Variants in SATB2 observed in about 807,000 individuals in gnomAD.
The protein encoded by SATB2 is SATB homeobox 2.
In SATB2, 1 loss-of-function variant was observed where a neutral mutation model predicts 73.4. The observed-to-expected ratio is 0.01, with a 90% CI of 0.00 to 0.06. The LOEUF is 0.06. SATB2 is among the 10% of genes least tolerant of loss of function. The pLI is 1.00. For synonymous variants in SATB2, 397 were observed against 367.0 expected (o/e 1.08, Z -0.93); for missense variants, 459 against 945.8 (o/e 0.49, Z 6.75).
chr2:199,294,033 G>A (rs1251740696), intron 10 of SATB2, among the ~76,000 whole-genome samples: 1 of 152,074 alleles, frequency 6.6e-6, no homozygotes, highest in Non-Finnish European at 1.5e-5. Context: ...TTTGATCTGT[G>A]TCTTTGTAGT....
intron 7 of SATB2, 65 bp downstream of exon 7, chr2:199,348,636 T>C (rs752102665): frequency 1.1e-5 from 14 of 1,244,396 alleles, no homozygotes; most frequent in East Asian, 2.3e-5. Flanking sequence ...ATAAAAATAA[T>C]TATAACCTAT....
intron 2 of SATB2, among the ~76,000 whole-genome samples, chr2:199,448,803 A>C (rs1692039710): frequency 6.6e-6 from 1 of 152,060 alleles, no homozygotes; most frequent in African/African-American, 2.4e-5. Flanking sequence ...TAATTTTTTG[A>C]TCTTTTTTGT....
chr2:199,442,432 G>A (rs1375459534), intron 2 of SATB2, among the ~76,000 whole-genome samples: 3 of 152,188 alleles, frequency 2.0e-5, no homozygotes, highest in Non-Finnish European at 4.4e-5. Context: ...GCTGCACCAT[G>A]CTCTGTATAC....
At chr2:199,296,559 G>A (rs1687104948) in intron 10 of SATB2, among the ~76,000 whole-genome samples, 1 of 152,122 alleles carries the variant, frequency 6.6e-6, no homozygotes, top group African/African-American at 2.4e-5. Flanking sequence ...AGGGATGGTA[G>A]TGTGCTCCTG....
Position 199,368,720 on chromosome 2 carries a change from AT to A in SATB2, c.598-14del. The A allele has an allele frequency of 6.7e-7, 1 of 1,482,490 alleles. No individual in the cohort carries two copies. Among genetic ancestry groups the A allele is most frequent in the Non-Finnish European group, 9.4e-7 (1 of 1,062,712 alleles). 91.8% of individuals were successfully genotyped at this position (1,482,490 alleles called of 1,614,324 possible). A position where few individuals can be genotyped will look rare whatever the true frequency, so the allele number is the denominator to read the frequency against. Reference sequence around the variant, plus strand: ...ATGAAATCATACTCTGAAAAAAAAAATTATAGTTATTTTTTCAAAATATGAC... The same window carrying A: ...ATGAAATCATACTCTGAAAAAAAAAATATAGTTATTTTTTCAAAATATGAC... On this transcript the variant is annotated splice_polypyrimidine_tract_variant and intron_variant, in intron 5 of 10. Transcript: ENST00000417098.
chr2:199,323,173 G>A (rs1369267378), intron 9 of SATB2, among the ~76,000 whole-genome samples: 1 of 151,986 alleles, frequency 6.6e-6, no homozygotes, highest in Non-Finnish European at 1.5e-5. Flanking sequence ...TTTCCCCAGA[G>A]CATTACATTC....
intron 7 of SATB2, among the ~76,000 whole-genome samples, chr2:199,344,432 G>A (rs1273546844): frequency 4.6e-5 from 7 of 152,166 alleles, no homozygotes; most frequent in South Asian, 2.1e-4. Flanking sequence ...TTTGAATCAC[G>A]AGAGAAAGTG....
At chr2:199,392,670 C>T (rs983414270) in intron 3 of SATB2, among the ~76,000 whole-genome samples, 15 of 152,116 alleles carry the variant, frequency 9.9e-5, no homozygotes, top group African/African-American at 3.4e-4. Flanking sequence ...TTGGATGCAG[C>T]TCTGCATCTG....
intron 3 of SATB2, among the ~76,000 whole-genome samples, chr2:199,417,173 T>C (rs1385814414): frequency 2.0e-5 from 3 of 151,838 alleles, no homozygotes; most frequent in African/African-American, 4.8e-5. Flanking sequence ...TTTTAAGCCA[T>C]GATCATTTAG....
At chr2:199,325,392 C>T (rs892328058) in intron 8 of SATB2, 8 of 152,162 alleles carry the variant, frequency 5.3e-5, no homozygotes, top group Middle Eastern at 3.2e-3. Context: ...GAACGCAAGT[C>T]TTTCAGGCTC....
chr2:199,349,122 C>T lies in SATB2; in HGVS notation c.752G>A (p.Arg251His), dbSNP rs2105823583. ...GTTCATATTTGGTAAATGCATTGGA[C>T]GCTGGCCCAGAACACAATAGTCTGA... ...NLSDYCVLGQ[R>H]PMHLPNMNQL... Residue 251 changes from arginine (R) to histidine (H), a missense_variant, in exon 7 of 11, where the codon CGT (arginine) becomes CAT (histidine). Transcript: ENST00000417098. The T allele has an allele frequency of 4.3e-6, 7 of 1,613,864 alleles. No individual in the cohort carries two copies. Among genetic ancestry groups the T allele is most frequent in the Non-Finnish European group, 5.9e-6 (7 of 1,179,956 alleles).
At chr2:199,442,865 C>T (rs148142949) in intron 2 of SATB2, among the ~76,000 whole-genome samples, 228 of 152,118 alleles carry the variant, frequency 1.5e-3, no homozygotes, top group African/African-American at 5.1e-3. Context: ...TAGTTCAAGC[C>T]TAAATTCTTC....
intron 5 of SATB2, among the ~76,000 whole-genome samples, chr2:199,371,711 G>T (rs935061250): frequency 6.6e-6 from 1 of 152,070 alleles, no homozygotes; most frequent in Non-Finnish European, 1.5e-5. Flanking sequence ...CGCACAGTTG[G>T]ACTGTTAGGA....
chr2:199,367,710 A>G (rs1383274319), intron 6 of SATB2, among the ~76,000 whole-genome samples: 1 of 152,166 alleles, frequency 6.6e-6, no homozygotes, highest in East Asian at 1.9e-4. Context: ...CAAAACATGG[A>G]CTGGAAGGAC....
At chr2:199,341,176 T>C (rs913108061) in intron 7 of SATB2, among the ~76,000 whole-genome samples, 1 of 152,136 alleles carries the variant, frequency 6.6e-6, no homozygotes, top group African/African-American at 2.4e-5. Context: ...GAATTCATAA[T>C]CACACTGTCA....
intron 3 of SATB2, among the ~76,000 whole-genome samples, chr2:199,410,631 C>T (rs1006662464): frequency 5.3e-5 from 8 of 152,170 alleles, no homozygotes; most frequent in African/African-American, 1.7e-4. Context: ...GCCCTCCCAG[C>T]GCACGCTACT....
chr2:199,370,873 A>G (rs931244186), intron 5 of SATB2, among the ~76,000 whole-genome samples: 5 of 151,576 alleles, frequency 3.3e-5, no homozygotes, highest in African/African-American at 1.2e-4. Context: ...TCTGTCCCAG[A>G]TAATCATAAA....
upstream of SATB2, chr2:199,458,821 C>G (rs1574649296): frequency 6.5e-5 from 22 of 338,410 alleles, no homozygotes; most frequent in Middle Eastern, 9.6e-4. Flanking sequence ...TGCCTGCGAG[C>G]TCCCCCTCCG....
In SATB2 at chr2:199,308,717, CAG is replaced by C. The variant is rs1419856452; in HGVS notation, c.1740+41_1740+42del. The C allele has an allele frequency of 6.4e-7, 1 of 1,564,172 alleles. No individual in the cohort carries two copies. Among genetic ancestry groups the C allele is most frequent in the Non-Finnish European group, 8.8e-7 (1 of 1,135,654 alleles). On this transcript the variant is annotated intron_variant, in intron 10 of 10. Coordinates refer to ENST00000417098, the MANE Select transcript of SATB2 (RefSeq NM_001172509.2). The surrounding 1 kb of genome is among the most constrained non-coding windows in gnomAD (Gnocchi z 4.6). ...ACCCTCAGCAGCTACTGCTGGCACA[CAG>C]AGCCCTGATCAGGTGGGGTACGGCG...
Sources: allele counts gnomAD v4.1 joint callset (sites outside exome capture counted in the v4.1 genomes callset), GRCh38; gene constraint gnomAD v4.1.1; non-coding constraint Gnocchi (gnomAD v3.1); transcripts MANE v1.5; gene names NCBI Gene and HGNC (gene_info 2026-07-23, HGNC 2026-07-21).